TNPO3: variants seen among roughly 807,000 people sequenced by gnomAD.
TNPO3 encodes transportin-3.
Under a neutral mutation model 122.8 loss-of-function variants are expected in TNPO3, and 65 were observed. The ratio of observed to expected loss-of-function variants is 0.53; its 90% CI spans 0.43 to 0.65. TNPO3 has a LOEUF of 0.65. Among genes scored for constraint, TNPO3 ranks in the 30% least tolerant of loss-of-function variants. The probability of loss-of-function intolerance (pLI) is 0.00; values close to 1 mark genes in which losing one functional copy is unlikely to be tolerated. For synonymous variants in TNPO3, 372 were observed against 411.2 expected, an observed-to-expected ratio of 0.90 and a Z score of 1.15; for missense variants, 850 against 1,136.7, an observed-to-expected ratio of 0.75 and a Z score of 3.63.
At chr7:128,978,824 G>A (rs569430359) in intron 16 of TNPO3, among the ~76,000 whole-genome samples, 159 bp downstream of exon 16, 1 of 152,242 alleles carries the variant, frequency 6.6e-6, no homozygotes, top group South Asian at 2.1e-4. Flanking sequence ...TAGAGACAGG[G>A]TTTCACCATG....
At chr7:129,045,155 T>C (rs1488753108) in intron 1 of TNPO3, among the ~76,000 whole-genome samples, 2 of 152,298 alleles carry the variant, frequency 1.3e-5, no homozygotes, top group South Asian at 2.1e-4. Flanking sequence ...AATAGTCACA[T>C]TCATAGAGAC....
chr7:129,000,971 C>T, intron 6 of TNPO3, 88 bp downstream of exon 6: 1 of 1,439,802 alleles, frequency 6.9e-7, no homozygotes, highest in Non-Finnish European at 9.6e-7. Context: ...CTGAGAATCA[C>T]AAATGACAGA....
chr7:129,048,947 G>A (rs1433288969), intron 1 of TNPO3, among the ~76,000 whole-genome samples: 1 of 152,200 alleles, frequency 6.6e-6, no homozygotes, highest in Non-Finnish European at 1.5e-5. Context: ...CAGTCTAGTA[G>A]GGGAGGCAAA....
intron 21 of TNPO3, among the ~76,000 whole-genome samples, chr7:128,958,094 A>G (rs537373642): frequency 6.6e-6 from 1 of 151,412 alleles, no homozygotes; most frequent in African/African-American, 2.4e-5. Context: ...AAATGAACAT[A>G]AGGCTAAGCT....
chr7:129,034,280 G>A (rs1477140584), intron 1 of TNPO3, among the ~76,000 whole-genome samples: 1 of 152,170 alleles, frequency 6.6e-6, no homozygotes, highest in Non-Finnish European at 1.5e-5. Flanking sequence ...CAACACTTTG[G>A]GAGACTGAGG....
At chr7:129,042,351 T>C (rs574016284) in intron 1 of TNPO3, among the ~76,000 whole-genome samples, 5 of 152,264 alleles carry the variant, frequency 3.3e-5, no homozygotes, top group Non-Finnish European at 5.9e-5. Flanking sequence ...GAAGGAAGAC[T>C]ACATCAGAAC....
intron 1 of TNPO3, among the ~76,000 whole-genome samples, chr7:129,031,863 TAAATTTAGAA>T (rs1805986236): frequency 1.3e-5 from 2 of 152,208 alleles, no homozygotes; most frequent in African/African-American, 4.8e-5. Context: ...TTCAAAATTT[TAAATTTAGAA>T]ATGGGGTGTT....
intron 1 of TNPO3, among the ~76,000 whole-genome samples, chr7:129,025,253 G>T (rs974651105): frequency 1.3e-5 from 2 of 150,232 alleles, no homozygotes; most frequent in African/African-American, 2.4e-5. Flanking sequence ...AGGAGGCTGA[G>T]GCAGGAGAAC....
Position 128,955,285 on chromosome 7 carries a change from C to G in TNPO3, c.*132G>C. On this transcript the variant is annotated 3_prime_UTR_variant, in exon 23 of 23. Transcript: ENST00000265388. ...GTCTCTCCCTGTCTGGCGGGACACCCTGGTGGCGGTGAAGGCCCCTCTGCC... is the reference window on the plus strand; with the variant it reads ...GTCTCTCCCTGTCTGGCGGGACACCGTGGTGGCGGTGAAGGCCCCTCTGCC... 2.2e-6 allele frequency: 1 copy of G among 454,808 alleles called. No homozygotes were observed. Among genetic ancestry groups the G allele is most frequent in the Non-Finnish European group, 4.4e-6 (1 of 226,808 alleles). 28.2% of individuals were successfully genotyped at this position (454,808 alleles called of 1,614,324 possible). A position where few individuals can be genotyped will look rare whatever the true frequency, so the allele number is the denominator to read the frequency against.
At position 129,015,155 on chromosome 7, in the gene TNPO3, A is replaced by T. The variant is rs1013724771; in HGVS notation, c.396-20T>A. ...CTGTATCTGCAAAAGAAAAAAGTGG[A>T]GATATGTTATTTATAGCCAGAAAAT... On this transcript the variant is annotated intron_variant, in intron 3 of 22. Coordinates refer to ENST00000265388, the MANE Select transcript of TNPO3 (RefSeq NM_012470.4). 1.2e-6 allele frequency: 2 copies of T among 1,601,684 alleles called. No homozygotes were observed.
At chr7:128,970,036 G>T in intron 20 of TNPO3, 112 bp downstream of exon 20, 3 of 1,258,840 alleles carry the variant, frequency 2.4e-6, no homozygotes, top group Non-Finnish European at 3.4e-6. Flanking sequence ...GCCTAAATTT[G>T]GTTCCATGGA....
intron 21 of TNPO3, among the ~76,000 whole-genome samples, chr7:128,960,883 C>T (rs1250207991): frequency 6.6e-6 from 1 of 152,016 alleles, no homozygotes; most frequent in Admixed American, 6.6e-5. Context: ...CCTCAGCCTC[C>T]TGAGTAGCTG....
chr7:129,021,140 G>T (rs985360562), intron 1 of TNPO3, among the ~76,000 whole-genome samples: 1 of 152,156 alleles, frequency 6.6e-6, no homozygotes, highest in Non-Finnish European at 1.5e-5. Context: ...CAGATCACCT[G>T]AAGTCAGGAG....
intron 11 of TNPO3, 45 bp from the exon 12 acceptor site, chr7:128,986,965 G>A (rs773700864): frequency 6.5e-7 from 1 of 1,529,868 alleles, no homozygotes; most frequent in East Asian, 2.3e-5. Flanking sequence ...GAAACTAAAG[G>A]AAAACTTCTA....
At chr7:129,037,671 T>C (rs1806856432) in intron 1 of TNPO3, among the ~76,000 whole-genome samples, 1 of 152,088 alleles carries the variant, frequency 6.6e-6, no homozygotes, top group African/African-American at 2.4e-5. Context: ...CAAAAATCTC[T>C]GACTGAACCC....
intron 1 of TNPO3, among the ~76,000 whole-genome samples, chr7:129,033,074 C>T (rs941975962): frequency 4.6e-5 from 7 of 152,188 alleles, no homozygotes; most frequent in Admixed American, 6.5e-5. Flanking sequence ...GTCAAGGGTG[C>T]CAAGACTACA....
intron 21 of TNPO3, among the ~76,000 whole-genome samples, chr7:128,961,801 C>A (rs1407471705): frequency 1.3e-5 from 2 of 150,722 alleles, no homozygotes; most frequent in Non-Finnish European, 2.9e-5. Flanking sequence ...TAATGAAACT[C>A]TGATGACTTG....
chr7:128,975,722 A>T (rs1412130375), intron 17 of TNPO3, 97 bp downstream of exon 17: 7 of 775,106 alleles, frequency 9.0e-6, no homozygotes, highest in South Asian at 1.7e-5. Flanking sequence ...GGGAAAACAT[A>T]AAGAAGCAAC....
At chr7:129,008,140 C>A (rs1232061891) in intron 4 of TNPO3, among the ~76,000 whole-genome samples, 1 of 149,788 alleles carries the variant, frequency 6.7e-6, no homozygotes, top group Non-Finnish European at 1.5e-5. Context: ...CAGAGCAAGA[C>A]TCTGTCTAAA....
Sources: allele counts gnomAD v4.1 joint callset (sites outside exome capture counted in the v4.1 genomes callset), GRCh38; gene constraint gnomAD v4.1.1; transcripts MANE v1.5; gene names NCBI Gene and HGNC (gene_info 2026-07-23, HGNC 2026-07-21).